The following CFAP210 variants were observed in gnomAD, a reference collection of about 807,000 sequenced individuals.
CFAP210 encodes cilia and flagella associated protein 210.
chr2:169,694,277 C>A, the CFAP210 span: 1 of 1,614,056 alleles, frequency 6.2e-7, no homozygotes, highest in Non-Finnish European at 8.5e-7. Flanking sequence ...TTTCCTTCGC[C>A]CGTCCACAGC....
At chr2:169,685,692 T>C in the CFAP210 span, among the ~76,000 whole-genome samples, 10 of 128,742 alleles carry the variant, frequency 7.8e-5, no homozygotes, top group African/African-American at 2.5e-4. Flanking sequence ...TCCAAGATAA[T>C]AAAGATGTAT....
At chr2:169,691,656 A>G in the CFAP210 span, among the ~76,000 whole-genome samples, 1 of 152,208 alleles carries the variant, frequency 6.6e-6, no homozygotes, top group African/African-American at 2.4e-5. Context: ...CTTTCTATTG[A>G]AACCTTTTTC....
chr2:169,675,157 A>T, the CFAP210 span: 1 of 783,120 alleles, frequency 1.3e-6, no homozygotes, highest in African/African-American at 2.1e-5. Context: ...GTAATATTTT[A>T]TTAATAAATA....
At chr2:169,693,210 C>T in the CFAP210 span, among the ~76,000 whole-genome samples, 2 of 152,162 alleles carry the variant, frequency 1.3e-5, no homozygotes, top group African/African-American at 4.8e-5. Flanking sequence ...CTTAGCCTTC[C>T]CCTAAAAATG....
At chr2:169,649,408 A>ATTC in the CFAP210 span, 1 of 1,457,384 alleles carries the variant, frequency 6.9e-7, no homozygotes, top group Non-Finnish European at 9.4e-7. Flanking sequence ...CTTGTCTGAA[A>ATTC]AGGCACAGAG....
At chr2:169,650,306 ATTTTCATAATTGAATTGTT>A in the CFAP210 span, 1 of 1,528,216 alleles carries the variant, frequency 6.5e-7, no homozygotes, top group East Asian at 2.3e-5. Flanking sequence ...TTCTATTTTT[ATTTTCATAATTGAATTGTT>A]TACCACAATG....
the CFAP210 span, chr2:169,675,109 AATATG>A: frequency 9.4e-7 from 1 of 1,061,124 alleles, no homozygotes; most frequent in Non-Finnish European, 1.3e-6. Context: ...TTAACATAAT[AATATG>A]ATAATTTGAG....
the CFAP210 span, chr2:169,675,174 G>T: frequency 1.4e-6 from 1 of 713,806 alleles, no homozygotes; most frequent in Non-Finnish European, 2.1e-6. Flanking sequence ...AATAAAATGA[G>T]GCTACACTTA....
the CFAP210 span, chr2:169,662,356 G>A: frequency 6.2e-7 from 1 of 1,604,598 alleles, no homozygotes. Context: ...TTCATATAAT[G>A]CATTCTGTCG....
At chr2:169,665,999 G>C in the CFAP210 span, among the ~76,000 whole-genome samples, 2 of 152,036 alleles carry the variant, frequency 1.3e-5, no homozygotes, top group African/African-American at 2.4e-5. Flanking sequence ...CAAACTGCTA[G>C]GATGATAGGC....
chr2:169,680,992 A>G, the CFAP210 span: 2 of 1,603,004 alleles, frequency 1.2e-6, no homozygotes, highest in Non-Finnish European at 8.5e-7. Flanking sequence ...GTACTCCTGG[A>G]TGGTTAATAC....
At chr2:169,653,976 A>G in the CFAP210 span, 1 of 1,269,642 alleles carries the variant, frequency 7.9e-7, no homozygotes, top group Non-Finnish European at 1.1e-6. Flanking sequence ...CTAGTCATAT[A>G]TAAAATAAGA....
the CFAP210 span, among the ~76,000 whole-genome samples, chr2:169,669,774 TAAAAAAAA>T: frequency 2.1e-4 from 28 of 133,210 alleles, no homozygotes; most frequent in African/African-American, 5.9e-4. Flanking sequence ...GACTCCGTCT[TAAAAAAAA>T]AAAAAAAAAA....
the CFAP210 span, among the ~76,000 whole-genome samples, chr2:169,693,219 T>C: frequency 6.6e-6 from 1 of 152,250 alleles, no homozygotes. Flanking sequence ...CCCCTAAAAA[T>C]GGAGATTAAA....
At chr2:169,687,987 C>A in the CFAP210 span, among the ~76,000 whole-genome samples, 1 of 152,240 alleles carries the variant, frequency 6.6e-6, no homozygotes. Flanking sequence ...CATGTGGAAG[C>A]TGCCAAGGCT....
At chr2:169,671,936 T>G in the CFAP210 span, among the ~76,000 whole-genome samples, 1 of 152,206 alleles carries the variant, frequency 6.6e-6, no homozygotes, top group Non-Finnish European at 1.5e-5. Context: ...CTGAATAAAC[T>G]CTTATTCAAG....
the CFAP210 span, among the ~76,000 whole-genome samples, chr2:169,682,578 T>C: frequency 6.6e-6 from 1 of 152,186 alleles, no homozygotes; most frequent in Non-Finnish European, 1.5e-5. Flanking sequence ...GTAAAATTGA[T>C]TGGCTGAGTC....
chr2:169,649,307 C>T, the CFAP210 span: 1 of 1,612,840 alleles, frequency 6.2e-7, no homozygotes, highest in Non-Finnish European at 8.5e-7. Flanking sequence ...TCTTTAGCCT[C>T]TATTTTTCTT....
chr2:169,694,343 G>T, the CFAP210 span: 1 of 1,613,448 alleles, frequency 6.2e-7, no homozygotes, highest in Non-Finnish European at 8.5e-7. Context: ...TCCTAGATCT[G>T]GAAAAGTGAC....
Sources: gnomAD v4.1 joint callset for allele counts (sites outside exome capture counted in the v4.1 genomes callset) on GRCh38, gnomAD v4.1.1 for gene constraint, MANE v1.5 for transcripts, NCBI Gene and HGNC (gene_info 2026-07-23, HGNC 2026-07-21) for gene names.